The following SGCD variants were observed in gnomAD, a reference collection of about 807,000 sequenced individuals.
SGCD encodes the protein delta-sarcoglycan.
A neutral mutation model predicts 36.6 loss-of-function variants in SGCD; 18 were observed. The observed-to-expected ratio is 0.49, with a 90% confidence interval of 0.34 to 0.73. The LOEUF (loss-of-function observed/expected upper bound fraction) is 0.73, where lower values mean the gene tolerates loss of function less well. SGCD is among the 30% of genes least tolerant of loss of function. SGCD has a pLI of 0.01. For missense variants in SGCD, 387 were observed against 346.7 expected (o/e 1.12, Z -0.92); for synonymous variants, 133 against 130.6 (o/e 1.02, Z -0.12).
At chr5:156,465,216 G>A (rs994203719) in intron 3 of SGCD, among the ~76,000 whole-genome samples, 22 of 152,072 alleles carry the variant, frequency 1.4e-4, no homozygotes, top group African/African-American at 5.3e-4. Context: ...AGGACCTTAG[G>A]TGTATTCTTA....
chr5:156,176,137 T>TTG (rs1262028730), intron 3 of SGCD, among the ~76,000 whole-genome samples: 31 of 148,686 alleles, frequency 2.1e-4, no homozygotes, highest in Admixed American at 4.0e-4. Context: ...GTGTGTGTGT[T>TTG]TGTGTGTGTG....
the SGCD span, among the ~76,000 whole-genome samples, chr5:155,846,734 A>C: frequency 0.26 from 40,214 of 152,152 alleles, 5,941 homozygotes; most frequent in Admixed American, 0.46. Flanking sequence ...TGTATAACAC[A>C]AAGTAAAGAA....
intron 7 of SGCD, among the ~76,000 whole-genome samples, chr5:156,702,291 C>T (rs1332989279): frequency 6.6e-6 from 1 of 152,022 alleles, no homozygotes; most frequent in African/African-American, 2.4e-5. Flanking sequence ...GGTTAATTTT[C>T]TACTCCTAAA....
At chr5:156,120,667 G>A (rs536214652) in intron 2 of SGCD, among the ~76,000 whole-genome samples, 17 of 152,246 alleles carry the variant, frequency 1.1e-4, no homozygotes, top group African/African-American at 3.6e-4. Context: ...TATTTATTAG[G>A]TTGGGATGTA....
chr5:156,638,319 C>A (rs1156347371), intron 6 of SGCD, among the ~76,000 whole-genome samples: 1 of 151,712 alleles, frequency 6.6e-6, no homozygotes, highest in Non-Finnish European at 1.5e-5. Flanking sequence ...TCACATTGTT[C>A]ATATTTATTC....
chr5:156,549,052 C>G (rs1016940732), intron 4 of SGCD, among the ~76,000 whole-genome samples: 1 of 151,886 alleles, frequency 6.6e-6, no homozygotes, highest in African/African-American at 2.4e-5. Context: ...CACCTTATTC[C>G]CTTCCCTACA....
At chr5:156,408,330 C>T (rs1199573293) in intron 3 of SGCD, among the ~76,000 whole-genome samples, 5 of 151,120 alleles carry the variant, frequency 3.3e-5, no homozygotes, top group Non-Finnish European at 7.4e-5. Context: ...TTAACCTAAT[C>T]GGGCTCCTGT....
chr5:156,704,584 A>G (rs1028760018), intron 7 of SGCD, among the ~76,000 whole-genome samples: 1 of 152,208 alleles, frequency 6.6e-6, no homozygotes, highest in African/African-American at 2.4e-5. Flanking sequence ...TTGCCTAAAG[A>G]TACTTTTTAT....
upstream of SGCD, among the ~76,000 whole-genome samples, chr5:156,321,861 A>G (rs542418137): frequency 6.6e-6 from 1 of 152,050 alleles, no homozygotes; most frequent in East Asian, 1.9e-4. Context: ...CTTCACATCC[A>G]CTTCTTGGCT....
intron 3 of SGCD, among the ~76,000 whole-genome samples, chr5:156,155,679 A>G (rs1762941146): frequency 6.6e-6 from 1 of 151,062 alleles, no homozygotes; most frequent in Non-Finnish European, 1.5e-5. Flanking sequence ...GTCCAGCATG[A>G]TGGCTTCTCA....
chr5:155,986,577 A>G lies in SGCD; in HGVS notation c.-282+116153A>G, dbSNP rs375950773. Among the ~76,000 whole-genome samples, 15 of 152,286 alleles carry G rather than the reference A, an allele frequency of 9.8e-5. No homozygotes were observed. In the South Asian group the frequency reaches 1.5e-3, roughly 15 times the overall value. ...CACCATTTTGAGGGGTAGGAGGGATATGGATTGTGAAGGACATGAAAAGCT... is the reference window on the plus strand; with the variant it reads ...CACCATTTTGAGGGGTAGGAGGGATGTGGATTGTGAAGGACATGAAAAGCT... On this transcript the variant is annotated intron_variant, in intron 1 of 9. Coordinates refer to the SGCD transcript ENST00000517913.
intron 1 of SGCD, among the ~76,000 whole-genome samples, chr5:156,038,089 G>A (rs1049201724): frequency 6.6e-6 from 1 of 152,138 alleles, no homozygotes; most frequent in African/African-American, 2.4e-5. Context: ...TGAAGATGGG[G>A]ATAGAGACCA....
intron 1 of SGCD, among the ~76,000 whole-genome samples, chr5:156,075,479 C>G (rs1760750034): frequency 6.6e-6 from 1 of 152,100 alleles, no homozygotes; most frequent in Non-Finnish European, 1.5e-5. Flanking sequence ...AAGATTTCAA[C>G]ATTTGGGATT....
chr5:155,971,633 G>A (rs550235416), intron 1 of SGCD, among the ~76,000 whole-genome samples: 2 of 152,148 alleles, frequency 1.3e-5, no homozygotes, highest in South Asian at 2.1e-4. Flanking sequence ...ATTGAGATAC[G>A]GGGTCAGGGG....
chr5:155,981,889 C>T (rs58134933), intron 1 of SGCD, among the ~76,000 whole-genome samples: 6,893 of 152,188 alleles, frequency 0.045, 548 homozygotes, highest in African/African-American at 0.16. Flanking sequence ...GAGATCAAGA[C>T]CTTTTAGGGT....
intron 3 of SGCD, among the ~76,000 whole-genome samples, chr5:156,150,397 G>A (rs1327376210): frequency 6.6e-6 from 1 of 151,550 alleles, no homozygotes; most frequent in Non-Finnish European, 1.5e-5. Context: ...GTATTTGGTC[G>A]ATGTGCCCTA....
intron 1 of SGCD, among the ~76,000 whole-genome samples, chr5:156,039,808 T>C (rs761180510): frequency 6.6e-6 from 1 of 152,098 alleles, no homozygotes; most frequent in Non-Finnish European, 1.5e-5. Context: ...TCGTGGGAGA[T>C]GTATTTGCAG....
chr5:156,164,074 TTGCC>T lies in SGCD; in HGVS notation c.-44+40061_-44+40064del, dbSNP rs1209078814. Among the ~76,000 whole-genome samples, 12 of 151,354 alleles carry T rather than the reference TTGCC, an allele frequency of 7.9e-5. No homozygotes were observed. In the East Asian group the frequency reaches 2.1e-3, roughly 27 times the overall value. On this transcript the variant is annotated intron_variant, in intron 3 of 9. Transcript: ENST00000517913. ...TTTTCATTTTCTGCACGTCTGAACT[TTGCC>T]TGCCTTGGAGAATGGCAGGAAAGCT...
chr5:156,000,222 ACACACAGGTAG>A (rs113906149), intron 1 of SGCD, among the ~76,000 whole-genome samples: 9,800 of 152,164 alleles, frequency 0.064, 1,045 homozygotes, highest in African/African-American at 0.22. Context: ...GGCCTGGGGT[ACACACAGGTAG>A]CACACAGGTA....
Sources: allele counts gnomAD v4.1 joint callset (sites outside exome capture counted in the v4.1 genomes callset), GRCh38; gene constraint gnomAD v4.1.1; transcripts MANE v1.5; gene names NCBI Gene and HGNC (gene_info 2026-07-23, HGNC 2026-07-21).